The following CWF19L2 variants were observed in gnomAD, a reference collection of about 807,000 sequenced individuals.
The protein encoded by CWF19L2 is CWF19-like protein 2.
Under a neutral mutation model 111.7 loss-of-function variants are expected in CWF19L2, and 98 were observed. The ratio of observed to expected loss-of-function variants is 0.88; its 90% CI spans 0.75 to 1.04. The LOEUF is 1.04. CWF19L2 is among the 50% of genes least tolerant of loss of function. The probability of loss-of-function intolerance (pLI) is 0.00; values close to 1 mark genes in which losing one functional copy is unlikely to be tolerated. For missense variants in CWF19L2, 1,101 were observed against 1,051.4 expected, an observed-to-expected ratio of 1.05 and a Z score of -0.65; for synonymous variants, 351 against 342.9, an observed-to-expected ratio of 1.02 and a Z score of -0.26.
chr11:107,400,843 G>A (rs2135384217), intron 10 of CWF19L2, among the ~76,000 whole-genome samples: 1 of 152,108 alleles, frequency 6.6e-6, no homozygotes, highest in South Asian at 2.1e-4. Flanking sequence ...CGAATCCAAT[G>A]ACATATCAAA....
intron 11 of CWF19L2, among the ~76,000 whole-genome samples, chr11:107,392,384 A>C (rs12284248): frequency 0.017 from 2,519 of 152,302 alleles, 73 homozygotes; most frequent in African/African-American, 0.057. Flanking sequence ...CTACATAATT[A>C]AGCCATTACT....
chr11:107,428,726 T>C (rs1200568495), intron 8 of CWF19L2, 73 bp downstream of exon 8: 16 of 1,153,286 alleles, frequency 1.4e-5, no homozygotes, highest in Non-Finnish European at 1.7e-5. Context: ...TAATAACTGA[T>C]GTTCTAAAAA....
At chr11:107,439,229 A>G (rs1418535123) in intron 5 of CWF19L2, 46 bp from the exon 6 acceptor site, 1 of 1,080,696 alleles carries the variant, frequency 9.3e-7, no homozygotes, top group Non-Finnish European at 1.4e-6. Context: ...AAATTAACAA[A>G]TTATAAAAAA....
intron 12 of CWF19L2, among the ~76,000 whole-genome samples, chr11:107,387,064 A>G (rs1442691130): frequency 6.6e-6 from 1 of 151,994 alleles, no homozygotes; most frequent in African/African-American, 2.4e-5. Flanking sequence ...AAAAAAAAAA[A>G]AGGCTAATGC....
chr11:107,362,686 C>T (rs1185665768), intron 12 of CWF19L2, among the ~76,000 whole-genome samples: 14 of 151,234 alleles, frequency 9.3e-5, no homozygotes, highest in Admixed American at 2.0e-4. Flanking sequence ...TCACCATCAT[C>T]AAAGACCAAA....
rs551739396 is a variant in CWF19L2 at position 107,407,695 on chromosome 11, G to T, written c.1617+8514C>A. 2.5e-3 allele frequency among the ~76,000 whole-genome samples: 385 copies of T among 152,006 alleles called. 1 individual carries two copies. Among genetic ancestry groups the T allele is most frequent in the African/African-American group, 8.8e-3 (367 of 41,488 alleles). Reference sequence around the variant, plus strand: ...TTGTGGCTTCAGTATCTGTTACAGAGCCCTGTTCAAAGTTTGAGATAGTCT... The same window carrying T: ...TTGTGGCTTCAGTATCTGTTACAGATCCCTGTTCAAAGTTTGAGATAGTCT... On this transcript the variant is annotated intron_variant, in intron 10 of 17. Transcript: ENST00000282251.
chr11:107,453,199 G>A (rs1861802806), intron 3 of CWF19L2, among the ~76,000 whole-genome samples: 1 of 152,134 alleles, frequency 6.6e-6, no homozygotes, highest in South Asian at 2.1e-4. Flanking sequence ...TATCACACGA[G>A]ACATTACACA....
At chr11:107,418,041 T>C (rs987623292) in intron 9 of CWF19L2, among the ~76,000 whole-genome samples, 153 bp downstream of exon 9, 2 of 152,200 alleles carry the variant, frequency 1.3e-5, no homozygotes, top group African/African-American at 2.4e-5. Flanking sequence ...ATTACAGGCA[T>C]GGTGCCAGGC....
chr11:107,427,405 G>T (rs1379180408), intron 8 of CWF19L2, among the ~76,000 whole-genome samples: 1 of 152,046 alleles, frequency 6.6e-6, no homozygotes, highest in Non-Finnish European at 1.5e-5. Context: ...TTTAGTGAGT[G>T]CTGTCTTCAA....
intron 10 of CWF19L2, among the ~76,000 whole-genome samples, chr11:107,397,616 T>C (rs1299029196): frequency 6.7e-6 from 1 of 150,292 alleles, no homozygotes; most frequent in Non-Finnish European, 1.5e-5. Context: ...GCATACAACC[T>C]TGGGAGTTCT....
intron 12 of CWF19L2, among the ~76,000 whole-genome samples, chr11:107,370,928 C>T (rs584171): frequency 0.021 from 2,799 of 136,002 alleles, 684 homozygotes; most frequent in African/African-American, 0.078. Flanking sequence ...TTTGTCTGTA[C>T]AATACCTTTA....
chr11:107,390,131 A>G lies in CWF19L2; in HGVS notation c.1815T>C (p.Asn605=), dbSNP rs1860826519. 2 of 1,612,700 alleles carry G rather than the reference A, an allele frequency of 1.2e-6. No homozygotes were observed. The highest frequency in any genetic ancestry group is 1.7e-6 in the Non-Finnish European group (2 of 1,179,220). The change falls in exon 12 of 18, where the codon AAT becomes AAC. Residue 605 remains asparagine (N), a synonymous_variant. Transcript: ENST00000282251. ...GATTTTCTGCTGTTCCCATCTTTTC[A>G]TTTTTGACTAAATCATTTAGGCTTA... The part of the protein sequence containing the change: ...DNLSLNDLVK[N]EKMGTAENQN...
At chr11:107,388,680 C>T (rs546032952) in intron 12 of CWF19L2, among the ~76,000 whole-genome samples, 18 of 152,192 alleles carry the variant, frequency 1.2e-4, no homozygotes, top group Admixed American at 3.9e-4. Context: ...ACGCCCGGCA[C>T]TATTACAATT....
chr11:107,450,725 G>C (rs187673870), intron 3 of CWF19L2, among the ~76,000 whole-genome samples: 3 of 151,852 alleles, frequency 2.0e-5, no homozygotes, highest in Non-Finnish European at 4.4e-5. Context: ...AACTGAAGAG[G>C]CTTTATTAAT....
At chr11:107,343,273 G>A (rs145397501) in intron 14 of CWF19L2, among the ~76,000 whole-genome samples, 42 of 151,658 alleles carry the variant, frequency 2.8e-4, no homozygotes, top group African/African-American at 9.9e-4. Context: ...TTCAGTTTCT[G>A]TTTTACAGAC....
At chr11:107,396,365 A>G (rs1016707287) in intron 10 of CWF19L2, among the ~76,000 whole-genome samples, 1 of 152,206 alleles carries the variant, frequency 6.6e-6, no homozygotes, top group African/African-American at 2.4e-5. Context: ...ATCAAAACTG[A>G]TAATTTGTTA....
chr11:107,417,980 G>A (rs76785071), intron 9 of CWF19L2, among the ~76,000 whole-genome samples: 9 of 152,056 alleles, frequency 5.9e-5, no homozygotes, highest in African/African-American at 2.2e-4. Context: ...GGCTGGTCTC[G>A]AACTCCTGAC....
intron 1 of CWF19L2, among the ~76,000 whole-genome samples, chr11:107,456,264 T>C (rs753778287): frequency 6.6e-6 from 1 of 152,212 alleles, no homozygotes; most frequent in African/African-American, 2.4e-5. Flanking sequence ...CATTCTTCAA[T>C]GATAGTCAAA....
chr11:107,423,772 C>A lies in CWF19L2; in HGVS notation c.1433+5027G>T, dbSNP rs527672897. Among the ~76,000 whole-genome samples the A allele has an allele frequency of 3.3e-5, 5 of 151,898 alleles. No individual in the cohort carries two copies. The East Asian group carries it at 9.7e-4, about 29-fold the overall frequency. On this transcript the variant is annotated intron_variant, in intron 8 of 17. Coordinates refer to ENST00000282251, the MANE Select transcript of CWF19L2 (RefSeq NM_152434.3). The stretch of plus-strand genomic sequence containing the variant: ...CCATATCCAGAAATAAGTCATCTTG[C>A]AAGCAACCTTAAGTCTGACAGGATC...
Sources: gnomAD v4.1 joint callset for allele counts (sites outside exome capture counted in the v4.1 genomes callset) on GRCh38, gnomAD v4.1.1 for gene constraint, MANE v1.5 for transcripts, NCBI Gene and HGNC (gene_info 2026-07-23, HGNC 2026-07-21) for gene names.